Variants in ITPR2 observed in about 807,000 individuals in gnomAD.
ITPR2 encodes the protein inositol 1,4,5-trisphosphate receptor type 2.
A neutral mutation model predicts 317.1 loss-of-function variants in ITPR2; 207 were observed. That is an observed-to-expected ratio of 0.65 (90% confidence interval 0.58 to 0.73). The LOEUF is 0.73. ITPR2 is among the 30% of genes least tolerant of loss of function. The probability of loss-of-function intolerance (pLI) is 0.00; values close to 1 mark genes in which losing one functional copy is unlikely to be tolerated. For missense variants in ITPR2, 2,613 were observed against 3,284.0 expected (o/e 0.80, Z 4.99); for synonymous variants, 1,156 against 1,149.1 (o/e 1.01, Z -0.12).
intron 51 of ITPR2, among the ~76,000 whole-genome samples, chr12:26,412,926 GTTGGAA>G (rs1940596603): frequency 6.6e-6 from 1 of 152,188 alleles, no homozygotes; most frequent in Admixed American, 6.5e-5. Flanking sequence ...GAGAGCTATG[GTTGGAA>G]TGAGTAATTT....
chr12:26,561,727 A>G (rs1944824197), intron 35 of ITPR2, 35 bp downstream of exon 35: 3 of 1,431,904 alleles, frequency 2.1e-6, no homozygotes, highest in Admixed American at 5.7e-5. Context: ...AATATAATTT[A>G]GAAAATATTA....
chr12:26,368,190 A>G (rs973786514), intron 55 of ITPR2, among the ~76,000 whole-genome samples: 1 of 152,220 alleles, frequency 6.6e-6, no homozygotes, highest in African/African-American at 2.4e-5. Flanking sequence ...TGTGGTTTTA[A>G]TTACAACACC....
At chr12:26,376,081 G>A (rs904225917) in intron 55 of ITPR2, among the ~76,000 whole-genome samples, 12 of 152,128 alleles carry the variant, frequency 7.9e-5, no homozygotes, top group East Asian at 7.7e-4. Context: ...GGCGAGACCC[G>A]GTCTCAAAAA....
At chr12:26,660,636 A>G (rs1439411764) in intron 15 of ITPR2, among the ~76,000 whole-genome samples, 3 of 152,244 alleles carry the variant, frequency 2.0e-5, no homozygotes, top group African/African-American at 4.8e-5. Context: ...GCCCTTCAGA[A>G]TGATGGCTTT....
chr12:26,578,678 A>G, intron 34 of ITPR2, 35 bp downstream of exon 34: 2 of 1,547,682 alleles, frequency 1.3e-6, no homozygotes, highest in Non-Finnish European at 1.8e-6. Context: ...TCTTCAAGAA[A>G]TGTAAAAATA....
chr12:26,740,944 A>C (rs1178299804), intron 2 of ITPR2, among the ~76,000 whole-genome samples: 1 of 152,242 alleles, frequency 6.6e-6, no homozygotes, highest in African/African-American at 2.4e-5. Flanking sequence ...GGAGAAATGG[A>C]CCAGAGAATG....
intron 37 of ITPR2, among the ~76,000 whole-genome samples, chr12:26,533,357 C>T (rs1362831377): frequency 1.3e-5 from 2 of 152,112 alleles, no homozygotes; most frequent in Admixed American, 1.3e-4. Context: ...CCAACTTAAA[C>T]AATAATGTTT....
At chr12:26,524,597 A>G (rs557660272) in intron 37 of ITPR2, among the ~76,000 whole-genome samples, 1 of 152,328 alleles carries the variant, frequency 6.6e-6, no homozygotes, top group Non-Finnish European at 1.5e-5. Context: ...TTGTTTTTAA[A>G]TTTTTAAAAA....
intron 37 of ITPR2, among the ~76,000 whole-genome samples, chr12:26,517,683 C>G (rs749189620): frequency 2.1e-4 from 32 of 152,140 alleles, no homozygotes; most frequent in Admixed American, 3.9e-4. Context: ...CCTAAAAATA[C>G]AAAAATTAGC....
chr12:26,811,005 T>C (rs982235215), intron 1 of ITPR2, among the ~76,000 whole-genome samples: 5 of 135,658 alleles, frequency 3.7e-5, no homozygotes, highest in East Asian at 2.1e-4. Flanking sequence ...TTTAAATCCA[T>C]GTCTCATCTC....
At chr12:26,721,191 G>GA (rs1222059098) in intron 5 of ITPR2, 15 of 419,862 alleles carry the variant, frequency 3.6e-5, no homozygotes, top group Admixed American at 4.3e-5. Context: ...GATGTCAAAA[G>GA]AAAAAAAAGT....
At chr12:26,509,553 T>C (rs202005481) in intron 37 of ITPR2, among the ~76,000 whole-genome samples, 242 of 152,310 alleles carry the variant, frequency 1.6e-3, no homozygotes, top group African/African-American at 5.6e-3. Flanking sequence ...TTCATAAAGT[T>C]CTGCATTTAG....
chr12:26,654,144 AGCGGGG>A lies in ITPR2; in HGVS notation c.2590-24_2590-19del. 37 of 1,204,654 alleles carry A rather than the reference AGCGGGG, an allele frequency of 3.1e-5. No individual in the cohort carries two copies. The highest frequency in any genetic ancestry group is 4.1e-5 in the Non-Finnish European group (36 of 886,896). 74.6% of individuals were successfully genotyped at this position (1,204,654 alleles called of 1,614,324 possible). A position where few individuals can be genotyped will look rare whatever the true frequency, so the allele number is the denominator to read the frequency against. ...TGGACCACCTTAATAAAAAAAAAAA[AGCGGGG>A]AGGGGGAGGGTGAAAGAGTGGAAAA... On this transcript the variant is annotated intron_variant, in intron 20 of 56. Transcript: ENST00000381340.
In ITPR2 at chr12:26,428,024, CAGCAT is replaced by C; in HGVS notation, c.6829_6833del (p.Met2277ValfsTer37). The stretch of plus-strand genomic sequence containing the variant: ...TACCCACAGGCTTGGAGAAGAAAAA[CAGCAT>C]AGATGTGCAGATCGCAACTGCTATC... On this transcript the variant is annotated frameshift_variant, in exon 49 of 57. Transcript: ENST00000381340. LOFTEE classifies it high-confidence loss of function. 6.2e-7 allele frequency: 1 copy of C among 1,611,910 alleles called. No individual in the cohort carries two copies. The highest frequency in any genetic ancestry group is 8.5e-7 in the Non-Finnish European group (1 of 1,178,860).
chr12:26,816,294 G>C (rs1222166812), intron 1 of ITPR2, among the ~76,000 whole-genome samples: 1 of 152,112 alleles, frequency 6.6e-6, no homozygotes, highest in Non-Finnish European at 1.5e-5. Context: ...CTATGAGCCT[G>C]ACACTTACTA....
chr12:26,556,356 T>C lies in ITPR2; in HGVS notation c.4841A>G (p.Glu1614Gly). The change falls in exon 36 of 57, where the codon GAG becomes GGG. Residue 1614 changes from glutamate (E) to glycine (G), a missense_variant. By Grantham distance (98) the Glu-to-Gly change is moderately conservative (BLOSUM62 -2). This residue lies in a region of ITPR2 where 926 missense variants were observed against 1,072.8 expected (regional missense o/e 0.86). Coordinates refer to ENST00000381340, the MANE Select transcript of ITPR2 (RefSeq NM_002223.4). The stretch of plus-strand genomic sequence containing the variant: ...CTGCATCATTGGGCTGAACTGGTGC[T>C]CCAAGGAGGCCACTACATCCTAGGG... ...EKLQDVVASL[E>G]HQFSPMMQAE... 1.2e-6 allele frequency: 2 copies of C among 1,613,512 alleles called. No homozygotes were observed. Among genetic ancestry groups the C allele is most frequent in the Non-Finnish European group, 1.7e-6 (2 of 1,179,796 alleles).
intron 54 of ITPR2, among the ~76,000 whole-genome samples, chr12:26,388,140 G>A (rs186310523): frequency 2.0e-4 from 30 of 152,296 alleles, no homozygotes; most frequent in African/African-American, 5.8e-4. Flanking sequence ...CTAGGGTACC[G>A]TGTTCCAGGC....
chr12:26,746,191 A>ACAC (rs1949319249), intron 2 of ITPR2, among the ~76,000 whole-genome samples: 1 of 150,340 alleles, frequency 6.7e-6, no homozygotes, highest in East Asian at 2.0e-4. Context: ...GTATTCCTAC[A>ACAC]ACACACACAC....
At chr12:26,603,906 G>T (rs919670505) in intron 26 of ITPR2, among the ~76,000 whole-genome samples, 1 of 152,200 alleles carries the variant, frequency 6.6e-6, no homozygotes, top group South Asian at 2.1e-4. Flanking sequence ...CCTTATTTAC[G>T]ATCTATTCAA....
Sources: gnomAD v4.1 joint callset for allele counts (sites outside exome capture counted in the v4.1 genomes callset) on GRCh38, gnomAD v4.1.1 for gene constraint, gnomAD v4.1.1 regional missense constraint, MANE v1.5 for transcripts, NCBI Gene and HGNC (gene_info 2026-07-23, HGNC 2026-07-21) for gene names.